The following ACSS2 variants were observed in gnomAD, a reference collection of about 807,000 sequenced individuals.
ACSS2 encodes acyl-CoA synthetase short chain family member 2, also known as acetyl-coenzyme A synthetase, cytoplasmic.
In ACSS2, 58 loss-of-function variants were observed where a neutral mutation model predicts 90.6. The observed-to-expected ratio is 0.64, with a 90% CI of 0.52 to 0.80. The LOEUF is 0.80. Among genes scored for constraint, ACSS2 ranks in the 30% least tolerant of loss-of-function variants. The pLI, the probability that ACSS2 is intolerant of heterozygous loss-of-function variation, is 0.00. For missense variants in ACSS2, 759 were observed against 912.0 expected (o/e 0.83, Z 2.16); for synonymous variants, 300 against 330.9 (o/e 0.91, Z 1.01).
At position 34,889,850 on chromosome 20, in the gene ACSS2, G is replaced by A. The variant is rs531999050; in HGVS notation, c.374+6861G>A. ...AGGAGTTACGGTTGTCATCAACAGC[G>A]GATGAGGTCCAGGTATGGGAGATCT... On this transcript the variant is annotated intron_variant, in intron 2 of 17. Transcript: ENST00000360596. Among the ~76,000 whole-genome samples the A allele has an allele frequency of 6.6e-5, 10 of 152,286 alleles. No individual in the cohort carries two copies. In the South Asian group the frequency reaches 1.4e-3, roughly 22 times the overall value.
At chr20:34,921,245 A>G in intron 10 of ACSS2, 85 bp from the exon 11 acceptor site, 1 of 1,606,912 alleles carries the variant, frequency 6.2e-7, no homozygotes, top group Non-Finnish European at 8.5e-7. Flanking sequence ...GACCTGGAAT[A>G]GAGGATGGGG....
intron 2 of ACSS2, among the ~76,000 whole-genome samples, chr20:34,894,347 A>G (rs920007516): frequency 6.6e-6 from 1 of 152,028 alleles, no homozygotes; most frequent in Non-Finnish European, 1.5e-5. Context: ...AAATTAGGCC[A>G]GGCGTGGTGG....
At chr20:34,914,043 C>T in intron 5 of ACSS2, 53 bp from the exon 6 acceptor site, 3 of 1,589,628 alleles carry the variant, frequency 1.9e-6, no homozygotes, top group Admixed American at 3.4e-5. Flanking sequence ...ACATTGTGCC[C>T]ACTAGGCAGC....
intron 2 of ACSS2, among the ~76,000 whole-genome samples, chr20:34,894,594 G>C (rs925337959): frequency 3.9e-5 from 6 of 152,200 alleles, no homozygotes; most frequent in African/African-American, 1.4e-4. Context: ...GAGCCTGGGA[G>C]GTTGAGGCTG....
In ACSS2 at chr20:34,876,623, C is replaced by T. The variant is rs1378105569; in HGVS notation, c.-23C>T. Reference sequence around the variant, plus strand: ...CACCCGCCGCGACCGCAAAGGCGGCCGCGGTTCTAGGAACTTGACGTGATG... The same window carrying T: ...CACCCGCCGCGACCGCAAAGGCGGCTGCGGTTCTAGGAACTTGACGTGATG... On this transcript the variant is annotated 5_prime_UTR_variant, in exon 1 of 18. Coordinates refer to ENST00000360596, the MANE Select transcript of ACSS2 (RefSeq NM_018677.4). The T allele has an allele frequency of 1.4e-5, 18 of 1,309,920 alleles. No individual in the cohort carries two copies. Among genetic ancestry groups the T allele is most frequent in the East Asian group, 3.1e-5 (1 of 32,234 alleles). 81.1% of individuals were successfully genotyped at this position (1,309,920 alleles called of 1,614,324 possible). A position where few individuals can be genotyped will look rare whatever the true frequency, so the allele number is the denominator to read the frequency against.
At chr20:34,899,423 T>TTCC (rs2080578711) in intron 2 of ACSS2, among the ~76,000 whole-genome samples, 29 of 113,078 alleles carry the variant, frequency 2.6e-4, no homozygotes, top group South Asian at 6.3e-4. Flanking sequence ...TCTTTCTTTC[T>TTCC]TTCCTTCCTT....
intron 10 of ACSS2, 73 bp downstream of exon 10, chr20:34,921,212 C>T: frequency 6.2e-7 from 1 of 1,609,358 alleles, no homozygotes; most frequent in Non-Finnish European, 8.5e-7. Flanking sequence ...ACAGTCTCTT[C>T]TTTTCCATTG....
At chr20:34,893,048 C>T (rs1340082194) in intron 2 of ACSS2, among the ~76,000 whole-genome samples, 2 of 152,206 alleles carry the variant, frequency 1.3e-5, no homozygotes, top group Non-Finnish European at 2.9e-5. Context: ...GAACAGGGTA[C>T]TATTACCATT....
At chr20:34,894,760 T>G (rs913897953) in intron 2 of ACSS2, among the ~76,000 whole-genome samples, 1 of 152,184 alleles carries the variant, frequency 6.6e-6, no homozygotes, top group Non-Finnish European at 1.5e-5. Context: ...CTAATTTTAT[T>G]TATATGGATA....
intron 16 of ACSS2, 58 bp downstream of exon 16, chr20:34,926,339 T>G: frequency 6.4e-7 from 1 of 1,564,446 alleles, no homozygotes; most frequent in Non-Finnish European, 8.7e-7. Flanking sequence ...CAGTTATCAC[T>G]GCAAGTTGTT....
At chr20:34,911,584 A>G (rs746158198) in intron 2 of ACSS2, among the ~76,000 whole-genome samples, 1 of 152,096 alleles carries the variant, frequency 6.6e-6, no homozygotes, top group African/African-American at 2.4e-5. Context: ...TTGGCCTCCT[A>G]AAGTGTTAGA....
upstream of ACSS2, chr20:34,876,345 T>G (rs2079905630): frequency 3.7e-6 from 1 of 273,450 alleles, no homozygotes; most frequent in Non-Finnish European, 6.8e-6. Flanking sequence ...CCCTCTCCCT[T>G]GTCACACCCG....
intron 1 of ACSS2, 68 bp downstream of exon 1, chr20:34,876,891 G>A: frequency 1.8e-6 from 2 of 1,101,664 alleles, no homozygotes; most frequent in Non-Finnish European, 1.2e-6. Flanking sequence ...TGGGGGAGTC[G>A]GGGGCTCCCT....
At chr20:34,875,089 C>CA (rs1446486568), upstream of ACSS2, 1 of 534,720 alleles carries the variant, frequency 1.9e-6, no homozygotes, top group Admixed American at 1.9e-5. Flanking sequence ...CCTTGACAGC[C>CA]AGTCTGTGAA....
At chr20:34,923,205 C>G in intron 13 of ACSS2, 118 bp from the exon 14 acceptor site, 2 of 731,878 alleles carry the variant, frequency 2.7e-6, no homozygotes, top group Non-Finnish European at 4.7e-6. Flanking sequence ...CCAGGATCCT[C>G]TGTCTCCAAA....
chr20:34,876,741 G>T lies in ACSS2; in HGVS notation c.96G>T (p.Pro32=). Residue 32 remains proline (P), a synonymous_variant, in exon 1 of 18, where the codon CCG becomes CCT. Coordinates refer to ENST00000360596, the MANE Select transcript of ACSS2 (RefSeq NM_018677.4). ...GCCGGGCGCGGAGTTGGTCTCCGCC[G>T]CCCGAGGTCAGCCGCTCCGCGCACG... is the stretch of plus-strand genomic sequence containing the variant. ...AGGRARSWSP[P]PEVSRSAHVP... The T allele has an allele frequency of 1.4e-6, 2 of 1,437,706 alleles. No homozygotes were observed. The highest frequency in any genetic ancestry group is 1.8e-6 in the Non-Finnish European group (2 of 1,086,428). The allele number at this position is 1,437,706 out of a possible 1,614,324, so 89.1% of individuals were successfully genotyped here.
Position 34,927,188 on chromosome 20 carries a change from A to T in ACSS2, c.2080A>T (p.Ser694Cys). ...ADPSVISHLF[S>C]HRCLTIQ ...CCCATCTGTCATCAGTCACCTCTTC[A>T]GCCACCGCTGCCTGACCATCCAGTG... The change falls in exon 18 of 18, where the codon AGC becomes TGC. Residue 694 changes from serine to cysteine, a missense_variant. Coordinates refer to ENST00000360596, the MANE Select transcript of ACSS2 (RefSeq NM_018677.4). The surrounding 1 kb of genome is among the most constrained non-coding windows in gnomAD (Gnocchi z 4.2). 1 of 1,614,010 alleles carries T rather than the reference A, an allele frequency of 6.2e-7. No homozygotes were observed. The highest frequency in any genetic ancestry group is 8.5e-7 in the Non-Finnish European group (1 of 1,180,024).
At chr20:34,921,710 G>C in intron 12 of ACSS2, 76 bp from the exon 13 acceptor site, 1 of 1,608,720 alleles carries the variant, frequency 6.2e-7, no homozygotes, top group Non-Finnish European at 8.5e-7. Flanking sequence ...AGAATTTGGG[G>C]TTCTGGGGCC....
Position 34,876,771 on chromosome 20 carries a change from C to A in ACSS2, c.126C>A (p.Pro42=). The part of the protein sequence containing the change: ...PPEVSRSAHV[P]SLQRYRELHR... ...AGGTCAGCCGCTCCGCGCACGTCCC[C>A]TCGCTGCAGCGCTACCGCGAGCTGC... Residue 42 remains proline (P), a synonymous_variant, in exon 1 of 18, where the codon CCC becomes CCA. Transcript: ENST00000360596. The A allele has an allele frequency of 7.1e-7, 1 of 1,407,768 alleles. No homozygotes were observed. Among genetic ancestry groups the A allele is most frequent in the South Asian group, 1.5e-5 (1 of 66,806 alleles). The allele number at this position is 1,407,768 out of a possible 1,614,324, so 87.2% of individuals were successfully genotyped here. A position where few individuals can be genotyped will look rare whatever the true frequency, so the allele number is the denominator to read the frequency against.
Sources: allele counts gnomAD v4.1 joint callset (sites outside exome capture counted in the v4.1 genomes callset), GRCh38; gene constraint gnomAD v4.1.1; non-coding constraint Gnocchi (gnomAD v3.1); transcripts MANE v1.5; gene names NCBI Gene and HGNC (gene_info 2026-07-23, HGNC 2026-07-21).